Variants in HK1 observed in about 807,000 individuals in gnomAD.
HK1 encodes hexokinase-1.
HK1 carries 28 observed loss-of-function variants against 91.6 expected under a neutral mutation model. That is an observed-to-expected ratio of 0.31 (90% CI 0.23 to 0.42). The LOEUF is 0.42. HK1 is among the 10% of genes least tolerant of loss of function. The probability of loss-of-function intolerance (pLI) is 1.00; values close to 1 mark genes in which losing one functional copy is unlikely to be tolerated. For missense variants in HK1, 770 were observed against 1,219.8 expected (o/e 0.63, Z 5.49); for synonymous variants, 430 against 468.1 (o/e 0.92, Z 1.05).
upstream of HK1, among the ~76,000 whole-genome samples, chr10:69,311,531 A>T (rs1283831602): frequency 6.6e-6 from 1 of 152,186 alleles, no homozygotes; most frequent in Non-Finnish European, 1.5e-5. Context: ...TAACGATTTC[A>T]TTTGGGGAAA....
chr10:69,311,624 C>A (rs1201709997), upstream of HK1, among the ~76,000 whole-genome samples: 1 of 152,144 alleles, frequency 6.6e-6, no homozygotes, highest in Non-Finnish European at 1.5e-5. Context: ...ACCCTTCCTC[C>A]TCCAGGATAC....
At chr10:69,342,201 A>G (rs1256683291) in intron 1 of HK1, among the ~76,000 whole-genome samples, 1 of 152,110 alleles carries the variant, frequency 6.6e-6, no homozygotes, top group Non-Finnish European at 1.5e-5. Context: ...AAACAAAGGA[A>G]AAAACACCAG....
intron 2 of HK1, among the ~76,000 whole-genome samples, chr10:69,286,190 A>C (rs1845024552): frequency 6.6e-6 from 1 of 152,222 alleles, no homozygotes. Flanking sequence ...ATCTATCTAC[A>C]AAAACAAAGT....
intron 1 of HK1, chr10:69,338,719 GTGTGTGTA>G: frequency 7.9e-7 from 1 of 1,268,812 alleles, no homozygotes; most frequent in Non-Finnish European, 1.0e-6. Flanking sequence ...GTAAGTACTT[GTGTGTGTA>G]TGTGTGAGTG....
intron 3 of HK1, chr10:69,295,619 T>C (rs754521881): frequency 1.3e-6 from 2 of 1,591,052 alleles, no homozygotes; most frequent in South Asian, 1.1e-5. Flanking sequence ...TTACTTGTCC[T>C]GTCTTTCTCT....
In HK1 at chr10:69,398,663, A is replaced by G; in HGVS notation, c.2444A>G (p.Asp815Gly). 3 of 1,614,190 alleles carry G rather than the reference A, an allele frequency of 1.9e-6. No homozygotes were observed. Among genetic ancestry groups the G allele is most frequent in the Admixed American group, 3.3e-5 (2 of 60,016 alleles). The change falls in exon 17 of 18, where the codon GAC becomes GGC. Residue 815 changes from aspartate (D) to glycine (G), a missense_variant. Around this residue, in one of 7 missense-constraint regions of HK1, gnomAD observed 25 missense variants for 74.1 expected, o/e 0.34. Transcript: ENST00000359426. ...QQLGLNSTCD[D>G]SILVKTVCGV... ...CTAGGTCTGAATAGCACCTGCGATG[A>G]CAGTATCCTCGTCAAGACAGTGTGC...
intron 3 of HK1, among the ~76,000 whole-genome samples, chr10:69,360,710 T>C (rs1849375511): frequency 6.6e-6 from 1 of 152,154 alleles, no homozygotes; most frequent in Non-Finnish European, 1.5e-5. Flanking sequence ...CCTGTCCACC[T>C]GCCCCCTCCT....
At chr10:69,310,117 A>T (rs1347756449) in intron 5 of HK1, among the ~76,000 whole-genome samples, 1 of 114,366 alleles carries the variant, frequency 8.7e-6, no homozygotes, top group East Asian at 2.5e-4. Context: ...AACTCCATCT[A>T]AAAAAAAAAA....
At chr10:69,273,820 ATTAT>A (rs1283782502) in intron 1 of HK1, among the ~76,000 whole-genome samples, 2 of 152,176 alleles carry the variant, frequency 1.3e-5, no homozygotes, top group Non-Finnish European at 2.9e-5. Context: ...CTCTATTGAC[ATTAT>A]TTATCTTTTC....
rs545437878 is a variant in HK1 at position 69,354,101 on chromosome 10, A to G, written c.227-5796A>G. Among the ~76,000 whole-genome samples, 5 of 152,302 alleles carry G rather than the reference A, an allele frequency of 3.3e-5. No homozygotes were observed. The South Asian group carries it at 1.0e-3, about 32-fold the overall frequency. ...TGGTGTTCACTGGAGAATTCACTGC[A>G]GAATTACTTGCTTGGTGTGTGGGGA... is the stretch of plus-strand genomic sequence containing the variant. On this transcript the variant is annotated intron_variant, in intron 2 of 17. Transcript: ENST00000359426.
intron 4 of HK1, among the ~76,000 whole-genome samples, chr10:69,366,971 T>G (rs944643996): frequency 6.6e-6 from 1 of 152,166 alleles, no homozygotes; most frequent in Admixed American, 6.5e-5. Flanking sequence ...GTGTATTTAT[T>G]TTGTATTCCT....
chr10:69,398,493 T>G (rs1840239546), intron 16 of HK1, 102 bp from the exon 17 acceptor site: 7 of 814,822 alleles, frequency 8.6e-6, no homozygotes, highest in Non-Finnish European at 1.4e-5. Context: ...TGTCTGTGGA[T>G]GAGTACAGTG....
At chr10:69,336,248 A>G (rs10998722) in intron 1 of HK1, among the ~76,000 whole-genome samples, 28,529 of 150,942 alleles carry the variant, frequency 0.19, 3,154 homozygotes, top group Non-Finnish European at 0.25. Context: ...CTGGAGTGCA[A>G]TGGCGTGATC....
At chr10:69,297,493 G>T (rs1197510280) in intron 4 of HK1, among the ~76,000 whole-genome samples, 1 of 152,152 alleles carries the variant, frequency 6.6e-6, no homozygotes, top group Non-Finnish European at 1.5e-5. Flanking sequence ...CAACGTTGGT[G>T]GCCTTGCAGG....
At chr10:69,319,255 C>T (rs1467822477) in intron 1 of HK1, 6 of 600,084 alleles carry the variant, frequency 1.0e-5, no homozygotes, top group Admixed American at 2.8e-5. Flanking sequence ...CTGCCTGCTG[C>T]AGTGTCCTTG....
rs1554874322 is a variant in HK1 at position 69,276,118 on chromosome 10, A to AAT, written c.-391+6012_-391+6013dup. Among the ~76,000 whole-genome samples, 166 of 38,258 alleles carry AAT rather than the reference A, an allele frequency of 4.3e-3. 21 individuals are homozygous for AAT. Among genetic ancestry groups the AAT allele is most frequent in the African/African-American group, 0.012 (157 of 13,306 alleles). 25.1% of individuals were successfully genotyped at this position (38,258 alleles called of 152,430 possible). On this transcript the variant is annotated intron_variant, in intron 1 of 21. Transcript: ENST00000360289. ...AAAAAAAAAAAAAAAAAAAAAAAAA[A>AAT]ATACATATATATATATATATACACA...
At chr10:69,303,853 G>C (rs1845987214) in intron 5 of HK1, among the ~76,000 whole-genome samples, 1 of 152,196 alleles carries the variant, frequency 6.6e-6, no homozygotes, top group African/African-American at 2.4e-5. Context: ...GAGCATTTGG[G>C]GATTGGAGTT....
intron 15 of HK1, among the ~76,000 whole-genome samples, chr10:69,393,721 G>A (rs777506391): frequency 2.0e-5 from 3 of 152,216 alleles, no homozygotes; most frequent in Non-Finnish European, 4.4e-5. Context: ...TCTAGCTGAT[G>A]CTGTCGCCTA....
At chr10:69,291,097 C>T (rs570795985) in intron 3 of HK1, among the ~76,000 whole-genome samples, 1 of 152,362 alleles carries the variant, frequency 6.6e-6, no homozygotes, top group Admixed American at 6.5e-5. Flanking sequence ...CTCATGGCCC[C>T]CTTCTTGTGC....
Sources: gnomAD v4.1 joint callset for allele counts (sites outside exome capture counted in the v4.1 genomes callset) on GRCh38, gnomAD v4.1.1 for gene constraint, gnomAD v4.1.1 regional missense constraint, MANE v1.5 for transcripts, NCBI Gene and HGNC (gene_info 2026-07-23, HGNC 2026-07-21) for gene names.